CSGALNACT1: variants seen among roughly 807,000 people sequenced by gnomAD.
CSGALNACT1 encodes the protein beta4GalNAcT-1.
A neutral mutation model predicts 51.0 loss-of-function variants in CSGALNACT1; 52 were observed. The ratio of observed to expected loss-of-function variants is 1.02; its 90% CI spans 0.82 to 1.29. The LOEUF (loss-of-function observed/expected upper bound fraction) is 1.29. CSGALNACT1 is among the 50% of genes most tolerant of loss of function. The pLI, the probability that CSGALNACT1 is intolerant of heterozygous loss-of-function variation, is 0.00. For synonymous variants in CSGALNACT1, 341 were observed against 254.4 expected (o/e 1.34, Z -3.24); for missense variants, 935 against 679.2 (o/e 1.38, Z -4.19).
intron 1 of CSGALNACT1, among the ~76,000 whole-genome samples, chr8:19,630,958 A>G (rs2055170136): frequency 6.6e-6 from 1 of 152,130 alleles, no homozygotes; most frequent in Non-Finnish European, 1.5e-5. Flanking sequence ...ACGAGCCAAT[A>G]TTGACATGTT....
At chr8:19,449,010 C>T (rs1349865108) in intron 5 of CSGALNACT1, among the ~76,000 whole-genome samples, 3 of 151,976 alleles carry the variant, frequency 2.0e-5, no homozygotes, top group African/African-American at 7.3e-5. Context: ...TCCCCTGTGT[C>T]GAGATAAATT....
intron 1 of CSGALNACT1, among the ~76,000 whole-genome samples, chr8:19,701,629 G>T (rs113467741): frequency 6.6e-6 from 1 of 152,184 alleles, no homozygotes; most frequent in South Asian, 2.1e-4. Flanking sequence ...ACCCTACATA[G>T]ACAATTAAGT....
chr8:19,540,080 A>C (rs1018793494), intron 3 of CSGALNACT1, among the ~76,000 whole-genome samples: 11 of 152,190 alleles, frequency 7.2e-5, no homozygotes, highest in Non-Finnish European at 1.5e-4. Context: ...TCCTAACGCT[A>C]AACAACATCA....
At chr8:19,432,350 T>A (rs1159107353) in intron 6 of CSGALNACT1, among the ~76,000 whole-genome samples, 1 of 152,218 alleles carries the variant, frequency 6.6e-6, no homozygotes, top group Admixed American at 6.5e-5. Context: ...TTGTACTGGA[T>A]GAGTTGCTTC....
chr8:19,510,745 A>G (rs923900739), intron 3 of CSGALNACT1, among the ~76,000 whole-genome samples: 13 of 152,274 alleles, frequency 8.5e-5, no homozygotes, highest in African/African-American at 3.1e-4. Flanking sequence ...TTAAAACGAC[A>G]GAAGTTTAAG....
intron 4 of CSGALNACT1, among the ~76,000 whole-genome samples, chr8:19,502,576 G>A (rs2076607644): frequency 1.3e-5 from 2 of 152,176 alleles, no homozygotes; most frequent in African/African-American, 4.8e-5. Context: ...AACTCTCAAA[G>A]TGTGGAGAAC....
chr8:19,581,625 CA>C (rs1005144186), intron 3 of CSGALNACT1, among the ~76,000 whole-genome samples: 2 of 151,722 alleles, frequency 1.3e-5, no homozygotes, highest in Admixed American at 6.6e-5. Context: ...CAAAACAAAA[CA>C]AAAAAAACTG....
chr8:19,547,875 C>T (rs768866790), intron 3 of CSGALNACT1, among the ~76,000 whole-genome samples: 1 of 152,154 alleles, frequency 6.6e-6, no homozygotes, highest in Non-Finnish European at 1.5e-5. Flanking sequence ...GACCAGATGG[C>T]CACTGCCAGA....
At chr8:19,440,058 A>G in intron 5 of CSGALNACT1, 127 bp from the exon 5 acceptor site, 1 of 766,016 alleles carries the variant, frequency 1.3e-6, no homozygotes, top group Admixed American at 2.0e-5. Context: ...AGGAGAGCCG[A>G]GATGGGAATC....
At chr8:19,659,046 T>C (rs760249567) in intron 1 of CSGALNACT1, among the ~76,000 whole-genome samples, 1 of 152,124 alleles carries the variant, frequency 6.6e-6, no homozygotes, top group Non-Finnish European at 1.5e-5. Context: ...AAATTCTCAC[T>C]GAAAAGGCAG....
intron 1 of CSGALNACT1, among the ~76,000 whole-genome samples, chr8:19,616,280 A>C (rs1310578454): frequency 6.6e-6 from 1 of 152,200 alleles, no homozygotes; most frequent in Non-Finnish European, 1.5e-5. Flanking sequence ...TTTAAATAAG[A>C]GAAAGCCTCA....
chr8:19,631,056 C>T (rs2154169787), intron 1 of CSGALNACT1, among the ~76,000 whole-genome samples: 1 of 152,294 alleles, frequency 6.6e-6, no homozygotes, highest in Middle Eastern at 3.4e-3. Context: ...ACACTTGTAA[C>T]AGACCATTTG....
At chr8:19,445,604 G>C (rs2061982419) in intron 5 of CSGALNACT1, among the ~76,000 whole-genome samples, 2 of 152,198 alleles carry the variant, frequency 1.3e-5, no homozygotes, top group Admixed American at 1.3e-4. Context: ...TCATGGACCA[G>C]ATACTCTACC....
intron 1 of CSGALNACT1, among the ~76,000 whole-genome samples, chr8:19,693,887 G>C (rs1425705053): frequency 6.6e-6 from 1 of 151,974 alleles, no homozygotes; most frequent in Non-Finnish European, 1.5e-5. Flanking sequence ...CACACTCTGA[G>C]GATCTCAATA....
chr8:19,500,917 C>A (rs2076299934), intron 4 of CSGALNACT1, among the ~76,000 whole-genome samples: 1 of 152,108 alleles, frequency 6.6e-6, no homozygotes, highest in East Asian at 1.9e-4. Context: ...GCTGTATCCT[C>A]CAGAGGAGAG....
At chr8:19,490,802 T>C (rs1347598707) in intron 4 of CSGALNACT1, among the ~76,000 whole-genome samples, 1 of 152,188 alleles carries the variant, frequency 6.6e-6, no homozygotes, top group South Asian at 2.1e-4. Context: ...GGGTAAAGAC[T>C]GATTGAGACC....
At chr8:19,415,417 C>T (rs993683841) in intron 8 of CSGALNACT1, among the ~76,000 whole-genome samples, 2 of 152,126 alleles carry the variant, frequency 1.3e-5, no homozygotes, top group African/African-American at 4.8e-5. Flanking sequence ...TCTAAAATAT[C>T]AGACTTCTGT....
At chr8:19,414,331 G>T (rs893731063) in intron 8 of CSGALNACT1, among the ~76,000 whole-genome samples, 10 of 150,562 alleles carry the variant, frequency 6.6e-5, no homozygotes, top group Non-Finnish European at 8.9e-5. Flanking sequence ...AGATAGAAGT[G>T]GTAGGAGGCT....
chr8:19,614,831 T>C (rs1458714370), intron 1 of CSGALNACT1, among the ~76,000 whole-genome samples: 2 of 152,246 alleles, frequency 1.3e-5, no homozygotes, highest in Non-Finnish European at 2.9e-5. Flanking sequence ...TACACGGTGC[T>C]GCCCTTGCTG....
Sources: allele counts gnomAD v4.1 joint callset (sites outside exome capture counted in the v4.1 genomes callset), GRCh38; gene constraint gnomAD v4.1.1; transcripts MANE v1.5; gene names NCBI Gene and HGNC (gene_info 2026-07-23, HGNC 2026-07-21).